Variants in NOTCH1 observed in about 807,000 individuals in gnomAD.
The protein encoded by NOTCH1 is neurogenic locus notch homolog protein 1.
NOTCH1 carries 37 observed loss-of-function variants against 254.8 expected under a neutral mutation model. That is an observed-to-expected ratio of 0.15 (90% CI 0.11 to 0.19). The LOEUF (loss-of-function observed/expected upper bound fraction) is 0.19. NOTCH1 is among the 10% of genes least tolerant of loss of function. NOTCH1 has a pLI of 1.00. For missense variants in NOTCH1, 2,972 were observed against 3,708.6 expected (o/e 0.80, Z 5.16); for synonymous variants, 1,731 against 1,618.1 (o/e 1.07, Z -1.68).
In NOTCH1 at chr9:136,494,679, C is replaced by A; in HGVS notation, c.*1392G>T. On this transcript the variant is annotated 3_prime_UTR_variant, in exon 34 of 34. Coordinates refer to ENST00000651671, the MANE Select transcript of NOTCH1 (RefSeq NM_017617.5). The stretch of plus-strand genomic sequence containing the variant: ...GCTGCCCTGAGGAGTGCAGGCGGCA[C>A]GGCAGCGGAGCGTCCCCAGTGCATG... 1 of 398,734 alleles carries A rather than the reference C, an allele frequency of 2.5e-6. No individual in the cohort carries two copies. Among genetic ancestry groups the A allele is most frequent in the African/African-American group, 2.1e-5 (1 of 48,760 alleles). 24.7% of individuals were successfully genotyped at this position (398,734 alleles called of 1,614,324 possible).
At chr9:136,536,678 T>G (rs1277269726) in intron 2 of NOTCH1, among the ~76,000 whole-genome samples, 2 of 152,218 alleles carry the variant, frequency 1.3e-5, no homozygotes, top group Non-Finnish European at 2.9e-5. Flanking sequence ...CCACAGCAGG[T>G]GCACCCAGAT....
chr9:136,525,404 CT>C (rs1843443565), intron 2 of NOTCH1, among the ~76,000 whole-genome samples: 1 of 152,216 alleles, frequency 6.6e-6, no homozygotes, highest in Non-Finnish European at 1.5e-5. Flanking sequence ...GGGAAAAGGT[CT>C]GGGACCCGCC....
rs775108554 is a variant in NOTCH1, at chr9:136,505,819, G to A, written c.4077C>T (p.Asn1359=). ...GCGGGCCGGAGATGCATGTGCCGCC[G>A]TTGAGGCAGCGCAGGCTGCCGCAGG... ...ARTCGSLRCL[N]GGTCISGPRS... The change falls in exon 25 of 34, where the codon AAC becomes AAT. Residue 1359 remains asparagine (N), a synonymous_variant. Transcript: ENST00000651671. The A allele has an allele frequency of 5.2e-5, 83 of 1,592,378 alleles. No homozygotes were observed. Among genetic ancestry groups the A allele is most frequent in the East Asian group, 2.0e-4 (9 of 44,646 alleles).
chr9:136,497,376 G>A lies in NOTCH1; in HGVS notation c.6363C>T (p.Ser2121=), dbSNP rs61751533. The A allele has an allele frequency of 1.2e-4, 190 of 1,608,620 alleles. No homozygotes were observed. The African/African-American group carries it at 2.2e-3, about 19-fold the overall frequency. ...CCAGCGGGGCTCCGTGCAGCTGCGG[G>A]CTGCGCACCAGGTTGTACTCGTCCA... ...RLLDEYNLVR[S]PQLHGAPLGG... is the part of the protein sequence containing the mutation. The change falls in exon 34 of 34, where the codon AGC becomes AGT. Residue 2121 remains serine, a synonymous_variant. Coordinates refer to ENST00000651671, the MANE Select transcript of NOTCH1 (RefSeq NM_017617.5).
In NOTCH1 at chr9:136,506,318, G is replaced by A. The variant is rs760292586; in HGVS notation, c.4014+209C>T. Among the ~76,000 whole-genome samples the A allele has an allele frequency of 2.0e-5, 3 of 151,974 alleles. No homozygotes were observed. Among genetic ancestry groups the A allele is most frequent in the Non-Finnish European group, 4.4e-5 (3 of 68,002 alleles). ...CTGCGTGCAGGGGACAGCCACCCCAGGGAGTCTACTTCCTGCTCCATTTTT... is the reference window on the plus strand; with the variant it reads ...CTGCGTGCAGGGGACAGCCACCCCAAGGAGTCTACTTCCTGCTCCATTTTT... On this transcript the variant is annotated intron_variant, in intron 24 of 33. Coordinates refer to ENST00000651671, the MANE Select transcript of NOTCH1 (RefSeq NM_017617.5). This position sits in a 1 kb window ranked among gnomAD's most constrained non-coding sequence, Gnocchi z 4.5.
chr9:136,500,820 G>C lies in NOTCH1; in HGVS notation c.5666C>G (p.Ser1889Cys). The change falls in exon 31 of 34, where the codon TCC (serine) becomes TGC (cysteine). Residue 1889 changes from serine to cysteine, a missense_variant. Coordinates refer to ENST00000651671, the MANE Select transcript of NOTCH1 (RefSeq NM_017617.5). ...CGTCTCCAGGCCGCCCCCGCTGCAG[G>C]AGGCGATCATGAGCGGGGTGAAGCC... ...PDGFTPLMIA[S>C]CSGGGLETGN... is the part of the protein sequence containing the mutation. 1 of 1,598,222 alleles carries C rather than the reference G, an allele frequency of 6.3e-7. No individual in the cohort carries two copies. Among genetic ancestry groups the C allele is most frequent in the Non-Finnish European group, 8.5e-7 (1 of 1,179,404 alleles).
At chr9:136,500,270 G>T (rs770506718) in intron 31 of NOTCH1, among the ~76,000 whole-genome samples, 8 of 152,234 alleles carry the variant, frequency 5.3e-5, no homozygotes, top group Non-Finnish European at 7.3e-5. Context: ...CCCTGATGGA[G>T]CCTGTTTTGC....
chr9:136,543,944 T>C, intron 2 of NOTCH1, 80 bp downstream of exon 2: 9 of 1,306,676 alleles, frequency 6.9e-6, no homozygotes, highest in Admixed American at 2.0e-5. Flanking sequence ...AATGGCCTAG[T>C]GTTCTGTCCC....
rs1843709380 is a variant in NOTCH1, at chr9:136,540,076, C to T, written c.140+3948G>A. ...GTGACCCTGGGGCTGATGGCGACTT[C>T]TCTGGGTCTCTTCTTCTCACTTATC... On this transcript the variant is annotated intron_variant, in intron 2 of 33. Transcript: ENST00000651671. This position sits in a 1 kb window ranked among gnomAD's most constrained non-coding sequence, Gnocchi z 4.4. Among the ~76,000 whole-genome samples, 1 of 152,206 alleles carries T rather than the reference C, an allele frequency of 6.6e-6. No individual in the cohort carries two copies. Among genetic ancestry groups the T allele is most frequent in the South Asian group, 2.1e-4 (1 of 4,828 alleles).
intron 2 of NOTCH1, among the ~76,000 whole-genome samples, chr9:136,531,345 C>T (rs1156852456): frequency 4.6e-5 from 7 of 152,352 alleles, no homozygotes; most frequent in Admixed American, 3.3e-4. Flanking sequence ...ACCACACCTG[C>T]TGATGGGGAC....
chr9:136,508,052 G>C lies in NOTCH1; in HGVS notation c.3413C>G (p.Thr1138Arg), dbSNP rs1471256799. The change falls in exon 21 of 34, where the codon ACA (threonine) becomes AGA (arginine). Residue 1138 changes from threonine (T) to arginine (R), a missense_variant. Physicochemically the swap from Thr to Arg is moderately conservative, Grantham distance 71 (BLOSUM62 -1). This residue lies in a region of NOTCH1 where 1,343 missense variants were observed against 1,557.0 expected (regional missense o/e 0.86). Transcript: ENST00000651671. ...CACCAGGTCCTCACAGTAGCTGCCT[G>C]TGTAGCCCGCCTGGCAGCGGCAGTG... The part of the protein sequence containing the change: ...THHCRCQAGY[T>R]GSYCEDLVDE... 1 of 1,611,864 alleles carries C rather than the reference G, an allele frequency of 6.2e-7. No individual in the cohort carries two copies. The highest frequency in any genetic ancestry group is 1.3e-5 in the African/African-American group (1 of 75,062).
intron 27 of NOTCH1, chr9:136,502,847 C>T (rs899719991): frequency 5.2e-6 from 3 of 580,944 alleles, no homozygotes; most frequent in Non-Finnish European, 9.4e-6. Flanking sequence ...CCGATCAATT[C>T]TTCTCTCTCT....
chr9:136,514,761 A>C (rs2133361558), intron 12 of NOTCH1, 59 bp from the exon 13 acceptor site: 1 of 1,532,348 alleles, frequency 6.5e-7, no homozygotes, highest in Middle Eastern at 1.7e-4. Context: ...CACCCACGTC[A>C]ACCTCGATTT....
At chr9:136,529,408 A>G (rs1255316105) in intron 2 of NOTCH1, among the ~76,000 whole-genome samples, 1 of 152,142 alleles carries the variant, frequency 6.6e-6, no homozygotes, top group Non-Finnish European at 1.5e-5. Context: ...AGTTTCCCCA[A>G]TCCCAGTGGG....
At chr9:136,526,446 G>A (rs1843461661) in intron 2 of NOTCH1, among the ~76,000 whole-genome samples, 4 of 152,246 alleles carry the variant, frequency 2.6e-5, no homozygotes, top group Admixed American at 2.0e-4. Context: ...GCCCATGCAA[G>A]CTGGTCCCCT....
chr9:136,513,001 A>AAT lies in NOTCH1; in HGVS notation c.2467+19_2467+20insAT. ...ACATAGGCCCCGCCCCCTCCAGCAC[A>AAT]GGCCCCACCCACCCCTCACCTGTGT... On this transcript the variant is annotated intron_variant, in intron 15 of 33. Coordinates refer to ENST00000651671, the MANE Select transcript of NOTCH1 (RefSeq NM_017617.5). This position sits in a 1 kb window ranked among gnomAD's most constrained non-coding sequence, Gnocchi z 4.7. 1 of 950,466 alleles carries AAT rather than the reference A, an allele frequency of 1.1e-6. No homozygotes were observed. The highest frequency in any genetic ancestry group is 1.6e-6 in the Non-Finnish European group (1 of 645,142). The allele number at this position is 950,466 out of a possible 1,614,324, so 58.9% of individuals were successfully genotyped here.
At chr9:136,531,815 G>A (rs1333019637) in intron 2 of NOTCH1, among the ~76,000 whole-genome samples, 1 of 152,248 alleles carries the variant, frequency 6.6e-6, no homozygotes, top group Admixed American at 6.5e-5. Context: ...TGTGCCTCCC[G>A]ATTCGGCCGC....
At position 136,509,334 on chromosome 9, in the gene NOTCH1, T is replaced by C. The variant is rs563290045; in HGVS notation, c.2970-263A>G. Among the ~76,000 whole-genome samples the C allele has an allele frequency of 6.3e-4, 96 of 152,246 alleles. 1 individual carries two copies. In the South Asian group the frequency reaches 0.019, roughly 31 times the overall value. On this transcript the variant is annotated intron_variant, in intron 18 of 33. Transcript: ENST00000651671. ...ACCAAACGCGTGGGCATAGGGTGGT[T>C]AAAGTAAATGAGGGAGAAACCAGAA...
Position 136,508,070 on chromosome 9 carries a change from C to T in NOTCH1, c.3395G>A (p.Arg1132His), listed in dbSNP as rs1336014812. The T allele has an allele frequency of 6.8e-6, 11 of 1,610,820 alleles. No homozygotes were observed. Among genetic ancestry groups the T allele is most frequent in the East Asian group, 2.2e-5 (1 of 44,882 alleles). The change falls in exon 21 of 34, where the codon CGC (arginine) becomes CAC (histidine). Residue 1132 changes from arginine (R) to histidine (H), a missense_variant. Arg to His is a conservative substitution (Grantham distance 29). Coordinates refer to ENST00000651671, the MANE Select transcript of NOTCH1 (RefSeq NM_017617.5). ...CVDAGNTHHC[R>H]CQAGYTGSYC... ...GCTGCCTGTGTAGCCCGCCTGGCAG[C>T]GGCAGTGGTGCGTGTTGCCCGCGTC...
Sources: allele counts gnomAD v4.1 joint callset (sites outside exome capture counted in the v4.1 genomes callset), GRCh38; gene constraint gnomAD v4.1.1; regional missense constraint gnomAD v4.1.1; non-coding constraint Gnocchi (gnomAD v3.1); transcripts MANE v1.5; gene names NCBI Gene and HGNC (gene_info 2026-07-23, HGNC 2026-07-21).